GOLM1: variants seen among roughly 807,000 people sequenced by gnomAD.
The protein encoded by GOLM1 is golgi membrane protein 1, also known as epididymis luminal protein 46.
A neutral mutation model predicts 50.5 loss-of-function variants in GOLM1; 31 were observed. The observed-to-expected ratio is 0.61, with a 90% CI of 0.46 to 0.83. GOLM1 has a LOEUF of 0.83. Ranked by LOEUF, GOLM1 falls within the 40% of genes least tolerant of loss-of-function variation. The probability of loss-of-function intolerance (pLI) is 0.00; values close to 1 mark genes in which losing one functional copy is unlikely to be tolerated. For missense variants in GOLM1, 491 were observed against 501.3 expected, an observed-to-expected ratio of 0.98 and a Z score of 0.20; for synonymous variants, 178 against 192.8, an observed-to-expected ratio of 0.92 and a Z score of 0.64.
chr9:86,064,600 A>G (rs1484862216), intron 3 of GOLM1, among the ~76,000 whole-genome samples: 1 of 152,086 alleles, frequency 6.6e-6, no homozygotes, highest in African/African-American at 2.4e-5. Flanking sequence ...TAAATCCCAC[A>G]TCTGACCACA....
chr9:86,055,973 A>G (rs1833971880), intron 3 of GOLM1, among the ~76,000 whole-genome samples: 2 of 89,210 alleles, frequency 2.2e-5, no homozygotes, highest in South Asian at 5.8e-4. Context: ...CCGAACAGTA[A>G]AAAAAACAAA....
intron 6 of GOLM1, among the ~76,000 whole-genome samples, chr9:86,038,606 A>C (rs1458023888): frequency 2.0e-5 from 3 of 151,998 alleles, no homozygotes; most frequent in Admixed American, 2.0e-4. Context: ...AGGCTCACTA[A>C]AACACTCAGG....
chr9:86,031,436 C>G (rs1277721441), intron 9 of GOLM1, among the ~76,000 whole-genome samples: 1 of 142,650 alleles, frequency 7.0e-6, no homozygotes, highest in African/African-American at 2.5e-5. Context: ...CTTATACAAA[C>G]AATACCACTG....
rs148514313 is a variant in GOLM1 at position 86,070,429 on chromosome 9, G to A, written c.309+6983C>T. Among the ~76,000 whole-genome samples the A allele has an allele frequency of 5.9e-3, 899 of 151,954 alleles. 4 individuals carry two copies. Among genetic ancestry groups the A allele is most frequent in the African/African-American group, 0.019 (769 of 41,460 alleles). On this transcript the variant is annotated intron_variant, in intron 3 of 9. Coordinates refer to ENST00000388712, the MANE Select transcript of GOLM1 (RefSeq NM_016548.4). ...TCTACTAGAAACACAAAAATTAGCC[G>A]GGTGTGGTGGCACGTGACTGTAATC...
At chr9:86,072,248 G>A (rs1018749671) in intron 3 of GOLM1, among the ~76,000 whole-genome samples, 2 of 152,220 alleles carry the variant, frequency 1.3e-5, no homozygotes, top group African/African-American at 4.8e-5. Context: ...AACCTTGACT[G>A]TATTTATGAT....
At position 86,026,891 on chromosome 9, in the gene GOLM1, A is replaced by G. The variant is rs951817386; in HGVS notation, c.*926T>C. 3.0e-6 allele frequency: 3 copies of G among 984,176 alleles called. No homozygotes were observed. The highest frequency in any genetic ancestry group is 1.2e-4 in the Admixed American group (2 of 16,256). 61.0% of individuals were successfully genotyped at this position (984,176 alleles called of 1,614,324 possible). ...AAACAGTCCTAATTTCTAACACTGT[A>G]TATATCCTTCGACATCAATGAACTT... On this transcript the variant is annotated 3_prime_UTR_variant, in exon 10 of 10. Transcript: ENST00000388712.
chr9:86,075,631 C>T (rs917720460), intron 3 of GOLM1, among the ~76,000 whole-genome samples: 1 of 152,180 alleles, frequency 6.6e-6, no homozygotes, highest in Non-Finnish European at 1.5e-5. Context: ...TACCACCAAA[C>T]CACAGCTAAA....
Position 86,095,071 on chromosome 9 carries a change from G to A in GOLM1, c.-22+4340C>T, listed in dbSNP as rs1430527609. Among the ~76,000 whole-genome samples, 4 of 97,226 alleles carry A rather than the reference G, an allele frequency of 4.1e-5. No homozygotes were observed. In the South Asian group the frequency reaches 9.1e-4, roughly 22 times the overall value. The allele number at this position is 97,226 out of a possible 152,430, so 63.8% of individuals were successfully genotyped here. ...GCTCTCCAGCCTGGGCAAAAACCCC[G>A]TCTAAAAAAAAAAAAAAGAAAAAGA... On this transcript the variant is annotated intron_variant, in intron 1 of 9. Transcript: ENST00000388712.
chr9:86,047,040 C>T (rs991138965), intron 4 of GOLM1, among the ~76,000 whole-genome samples: 1 of 152,218 alleles, frequency 6.6e-6, no homozygotes, highest in Admixed American at 6.5e-5. Context: ...TGCCCTCGGC[C>T]ACCAGGCTAC....
chr9:86,051,241 A>C (rs1407836145), intron 4 of GOLM1, among the ~76,000 whole-genome samples: 1 of 152,150 alleles, frequency 6.6e-6, no homozygotes, highest in East Asian at 1.9e-4. Flanking sequence ...GTTTGTTATA[A>C]TTGCTGTTCT....
chr9:86,053,635 AAC>A (rs1252633791), intron 3 of GOLM1, among the ~76,000 whole-genome samples: 1 of 27,100 alleles, frequency 3.7e-5, no homozygotes, highest in South Asian at 8.0e-4. Context: ...ATCACTACAA[AAC>A]ACACACCACA....
intron 3 of GOLM1, among the ~76,000 whole-genome samples, chr9:86,053,664 C>A: frequency 1.6e-5 from 1 of 63,668 alleles, no homozygotes; most frequent in Non-Finnish European, 5.4e-5. Flanking sequence ...TACACCACTC[C>A]ACACACGGCA....
intron 9 of GOLM1, among the ~76,000 whole-genome samples, chr9:86,029,615 C>T (rs10868363): frequency 0.067 from 7,861 of 116,706 alleles, 650 homozygotes; most frequent in East Asian, 0.39. Flanking sequence ...ATTAAATTAA[C>T]GGTATCTGTT....
At chr9:86,075,171 C>G (rs1295333070) in intron 3 of GOLM1, among the ~76,000 whole-genome samples, 3 of 152,210 alleles carry the variant, frequency 2.0e-5, no homozygotes, top group Admixed American at 2.0e-4. Context: ...TCTGCCCCGT[C>G]TTGATCTCTG....
chr9:86,086,768 T>C (rs1450652824), intron 1 of GOLM1, among the ~76,000 whole-genome samples: 1 of 152,210 alleles, frequency 6.6e-6, no homozygotes, highest in East Asian at 1.9e-4. Context: ...GTTGTAGATG[T>C]GTGGCATTCT....
intron 1 of GOLM1, among the ~76,000 whole-genome samples, chr9:86,082,169 C>T (rs988090268): frequency 1.3e-5 from 2 of 150,658 alleles, no homozygotes; most frequent in African/African-American, 4.9e-5. Context: ...GCTGGGACTA[C>T]AGGCACCTGC....
At chr9:86,080,034 C>G (rs1834741682) in intron 1 of GOLM1, 1 of 152,134 alleles carries the variant, frequency 6.6e-6, no homozygotes, top group Admixed American at 6.6e-5. Flanking sequence ...GGGAGGTGTG[C>G]CATCTGCCTG....
upstream of GOLM1, chr9:86,099,655 C>T (rs1001166690): frequency 2.0e-5 from 3 of 149,638 alleles, no homozygotes; most frequent in South Asian, 2.1e-4. Flanking sequence ...CAGGGGCTGC[C>T]GGGGCCGCGC....
Position 86,027,454 on chromosome 9 carries a change from C to CAGAT in GOLM1, c.*359_*362dup. 1 of 1,039,580 alleles carries CAGAT rather than the reference C, an allele frequency of 9.6e-7. No individual in the cohort carries two copies. The highest frequency in any genetic ancestry group is 1.2e-6 in the Non-Finnish European group (1 of 865,066). 64.4% of individuals were successfully genotyped at this position (1,039,580 alleles called of 1,614,324 possible). A position where few individuals can be genotyped will look rare whatever the true frequency, so the allele number is the denominator to read the frequency against. ...AGAGTTCTCTGTCTCTCCTTCACAGCAGATGGACTCTTCTATAGGTGGCTG... is the reference window on the plus strand; with the variant it reads ...AGAGTTCTCTGTCTCTCCTTCACAGCAGATAGATGGACTCTTCTATAGGTGGCTG... On this transcript the variant is annotated 3_prime_UTR_variant, in exon 10 of 10. Transcript: ENST00000388712.
Sources: gnomAD v4.1 joint callset for allele counts (sites outside exome capture counted in the v4.1 genomes callset) on GRCh38, gnomAD v4.1.1 for gene constraint, MANE v1.5 for transcripts, NCBI Gene and HGNC (gene_info 2026-07-23, HGNC 2026-07-21) for gene names.